GHRL: variants seen among roughly 807,000 people sequenced by gnomAD.
GHRL encodes the protein ghrelin and obestatin prepropeptide, also known as appetite-regulating hormone.
Under a neutral mutation model 16.9 loss-of-function variants are expected in GHRL, and 24 were observed. The ratio of observed to expected loss-of-function variants is 1.42; its 90% CI spans 1.03 to 2.00. GHRL has a LOEUF of 2.00. Ranked by LOEUF, GHRL falls within the 30% of genes most tolerant of loss-of-function variation. The pLI is 0.00. For synonymous variants in GHRL, 63 were observed against 58.2 expected (o/e 1.08, Z -0.37); for missense variants, 193 against 142.1 (o/e 1.36, Z -1.82).
chr3:10,289,290 G>A (rs978114626), intron 4 of GHRL, among the ~76,000 whole-genome samples: 1 of 152,188 alleles, frequency 6.6e-6, no homozygotes, highest in African/African-American at 2.4e-5. Flanking sequence ...CTCCAGGCGA[G>A]GTGAGTGGGT....
In GHRL at chr3:10,290,212, G is replaced by A. The variant is rs781642540; in HGVS notation, c.-29-3C>T. On this transcript the variant is annotated splice_polypyrimidine_tract_variant and splice_region_variant and intron_variant, in intron 2 of 5. Coordinates refer to ENST00000335542, the MANE Select transcript of GHRL (RefSeq NM_016362.5). ...AGCTGGGTTGCAGACAGGTGGGCCT[G>A]GGGGAGAGAGGGTCTCCAGGCAGCT... 2 of 1,589,564 alleles carry A rather than the reference G, an allele frequency of 1.3e-6. No homozygotes were observed. Among genetic ancestry groups the A allele is most frequent in the East Asian group, 2.3e-5 (1 of 44,098 alleles).
intron 4 of GHRL, among the ~76,000 whole-genome samples, chr3:10,289,020 G>A (rs1470003410): frequency 5.3e-5 from 8 of 152,154 alleles, no homozygotes; most frequent in Admixed American, 3.9e-4. Context: ...AGGTGAAGTT[G>A]GTATCCTCGG....
At chr3:10,292,792 T>C (rs1574848645) in intron 1 of GHRL, 50 bp downstream of exon 1, 1 of 1,120,800 alleles carries the variant, frequency 8.9e-7, no homozygotes, top group Non-Finnish European at 1.3e-6. Flanking sequence ...AACAGAAAAA[T>C]CCTAACTGTG....
chr3:10,287,221 C>T, intron 4 of GHRL: 1 of 159,182 alleles, frequency 6.3e-6, no homozygotes. Context: ...CCTTCTATTC[C>T]TTCCCTGCTC....
In GHRL at chr3:10,290,478, G is replaced by A. The variant is rs1432003680; in HGVS notation, c.-30+238C>T. On this transcript the variant is annotated intron_variant, in intron 2 of 5. Coordinates refer to ENST00000335542, the MANE Select transcript of GHRL (RefSeq NM_016362.5). ...GTGCCTTTTGTCCCAGGCTCTGAGA[G>A]CTCATGGCGAGTCTTTTCATGAGGA... 4 of 374,526 alleles carry A rather than the reference G, an allele frequency of 1.1e-5. No homozygotes were observed. In the East Asian group the frequency reaches 1.9e-4, roughly 18 times the overall value. 23.2% of individuals were successfully genotyped at this position (374,526 alleles called of 1,614,324 possible).
chr3:10,286,371 G>C (rs1179380773), intron 5 of GHRL, among the ~76,000 whole-genome samples: 1 of 152,156 alleles, frequency 6.6e-6, no homozygotes, highest in Admixed American at 6.5e-5. Context: ...GTAAAGTTAC[G>C]CAGTGAAGAC....
chr3:10,290,889 G>T lies in GHRL; in HGVS notation c.-203C>A. On this transcript the variant is annotated 5_prime_UTR_variant, in exon 2 of 6. Transcript: ENST00000335542. The stretch of plus-strand genomic sequence containing the variant: ...GTCCTCTGGGTAGAAGTCAACAGTG[G>T]AGGTCAGATGCCCTGCGGAATTGCT... 1.0e-6 allele frequency: 1 copy of T among 985,558 alleles called. No individual in the cohort carries two copies. The allele number at this position is 985,558 out of a possible 1,614,324, so 61.1% of individuals were successfully genotyped here.
Position 10,285,747 on chromosome 3 carries a change from G to T in GHRL, c.*128C>A. The T allele has an allele frequency of 1.4e-6, 1 of 691,824 alleles. No individual in the cohort carries two copies. 42.9% of individuals were successfully genotyped at this position (691,824 alleles called of 1,614,324 possible). A position where few individuals can be genotyped will look rare whatever the true frequency, so the allele number is the denominator to read the frequency against. ...AAATAAATTCCCATTTGGAACATCA[G>T]CATACAGTTTGAACATTTATTCGCC... On this transcript the variant is annotated 3_prime_UTR_variant, in exon 6 of 6. Transcript: ENST00000335542.
chr3:10,289,811 G>A lies in GHRL; in HGVS notation c.176C>T (p.Pro59Leu), dbSNP rs749962204. ...QPRALAGWLR[P>L]EDGGQAEGAE... ...CCCTTCTGCTTGACCTCCATCTTCC[G>A]GGCGGAGCCAGCCTGCTAGAGCTCG... is the stretch of plus-strand genomic sequence containing the variant. The change falls in exon 4 of 6, where the codon CCG becomes CTG. Residue 59 changes from proline (P) to leucine (L), a missense_variant. By Grantham distance (98) the Pro-to-Leu change is moderately conservative. Coordinates refer to ENST00000335542, the MANE Select transcript of GHRL (RefSeq NM_016362.5). 3.5e-5 allele frequency: 57 copies of A among 1,613,568 alleles called. No homozygotes were observed. The highest frequency in any genetic ancestry group is 1.5e-4 in the Admixed American group (9 of 59,990).
intron 4 of GHRL, among the ~76,000 whole-genome samples, chr3:10,289,431 C>T (rs1163868364): frequency 6.6e-6 from 1 of 152,204 alleles, no homozygotes; most frequent in Non-Finnish European, 1.5e-5. Flanking sequence ...CAGTCTGGGC[C>T]TGCCGTTTAT....
chr3:10,289,688 T>G, intron 4 of GHRL, 74 bp downstream of exon 4: 1 of 923,596 alleles, frequency 1.1e-6, no homozygotes, highest in Non-Finnish European at 1.8e-6. Flanking sequence ...CACTGCCACC[T>G]CTCCCTGCCC....
At chr3:10,289,238 C>T (rs143382987) in intron 4 of GHRL, among the ~76,000 whole-genome samples, 350 of 152,318 alleles carry the variant, frequency 2.3e-3, no homozygotes, top group African/African-American at 7.7e-3. Flanking sequence ...GCCCCACGCA[C>T]GATTTGTCAG....
rs1337617256 is a variant in GHRL, at chr3:10,290,701, G to T, written c.-30+15C>A. ...ACCTGTCAGCAAACGCACACGGAGA[G>T]TAGAGAGAGCTTACCTGCAGTTCCT... On this transcript the variant is annotated intron_variant, in intron 2 of 5. Transcript: ENST00000335542. 2 of 1,005,810 alleles carry T rather than the reference G, an allele frequency of 2.0e-6. No homozygotes were observed. Among genetic ancestry groups the T allele is most frequent in the Non-Finnish European group, 2.4e-6 (2 of 841,832 alleles). 62.3% of individuals were successfully genotyped at this position (1,005,810 alleles called of 1,614,324 possible).
intron 5 of GHRL, 67 bp downstream of exon 5, chr3:10,286,637 C>T (rs944280541): frequency 2.1e-5 from 17 of 827,270 alleles, no homozygotes; most frequent in Admixed American, 5.6e-5. Flanking sequence ...AAACTCATCA[C>T]CCACAGAGTG....
chr3:10,285,936 C>T (rs1255160209), intron 5 of GHRL, 42 bp from the exon 6 acceptor site: 2 of 1,584,566 alleles, frequency 1.3e-6, no homozygotes, highest in Admixed American at 1.7e-5. Flanking sequence ...GGTGCACCGT[C>T]CTGCTAGTGC....
chr3:10,286,797 C>T lies in GHRL; in HGVS notation c.241G>A (p.Asp81Asn). The change falls in exon 5 of 6, where the codon GAT becomes AAT. Residue 81 changes from aspartate to asparagine, a missense_variant. Asp to Asn is a conservative substitution (Grantham distance 23). Coordinates refer to ENST00000335542, the MANE Select transcript of GHRL (RefSeq NM_016362.5). ...ELEVRFNAPF[D>N]VGIKLSGVQY... is the part of the protein sequence containing the mutation. Reference sequence around the variant, plus strand: ...ACCCCTGACAGCTTGATTCCAACATCAAAGGGGGCGTTGAACTAGGAGGCA... The same window carrying T: ...ACCCCTGACAGCTTGATTCCAACATTAAAGGGGGCGTTGAACTAGGAGGCA... 6.2e-7 allele frequency: 1 copy of T among 1,610,478 alleles called. No individual in the cohort carries two copies. The highest frequency in any genetic ancestry group is 2.2e-5 in the East Asian group (1 of 44,854).
chr3:10,290,936 T>C lies in GHRL; in HGVS notation c.-250A>G, dbSNP rs1699910747. 1.3e-5 allele frequency: 13 copies of C among 985,694 alleles called. No homozygotes were observed. Among genetic ancestry groups the C allele is most frequent in the Non-Finnish European group, 1.6e-5 (13 of 830,048 alleles). The allele number at this position is 985,694 out of a possible 1,614,324, so 61.1% of individuals were successfully genotyped here. A position where few individuals can be genotyped will look rare whatever the true frequency, so the allele number is the denominator to read the frequency against. On this transcript the variant is annotated 5_prime_UTR_variant, in exon 2 of 6. It removes an upstream start codon present in the reference 5' UTR. Transcript: ENST00000335542. Reference sequence around the variant, plus strand: ...TGCTGGGTTGGCGAGGGAAGAAGCATGTGCTCCAGCTGTCCCTGGAACACG... The same window carrying C: ...TGCTGGGTTGGCGAGGGAAGAAGCACGTGCTCCAGCTGTCCCTGGAACACG...
At chr3:10,290,486 C>T (rs868546454) in intron 2 of GHRL, 21 of 350,064 alleles carry the variant, frequency 6.0e-5, no homozygotes, top group African/African-American at 3.3e-4. Context: ...GAGCTCATGG[C>T]GAGTCTTTTC....
chr3:10,290,294 T>C (rs1699793768), intron 2 of GHRL, 85 bp from the exon 3 acceptor site: 3 of 1,351,592 alleles, frequency 2.2e-6, no homozygotes, highest in Non-Finnish European at 3.0e-6. Flanking sequence ...GCAGATGGCG[T>C]GAAGGGCTTT....
Sources: allele counts gnomAD v4.1 joint callset (sites outside exome capture counted in the v4.1 genomes callset), GRCh38; gene constraint gnomAD v4.1.1; transcripts MANE v1.5; gene names NCBI Gene and HGNC (gene_info 2026-07-23, HGNC 2026-07-21).